The following NTNG1 variants were observed in gnomAD, a reference collection of about 807,000 sequenced individuals.
The protein encoded by NTNG1 is netrin G1.
NTNG1 carries 16 observed loss-of-function variants against 54.0 expected under a neutral mutation model. The ratio of observed to expected loss-of-function variants is 0.30; its 90% CI spans 0.20 to 0.45. NTNG1 has a LOEUF of 0.45. NTNG1 is among the 20% of genes least tolerant of loss of function. The pLI is 1.00. For synonymous variants in NTNG1, 255 were observed against 263.1 expected, an observed-to-expected ratio of 0.97 and a Z score of 0.30; for missense variants, 530 against 678.7, an observed-to-expected ratio of 0.78 and a Z score of 2.43.
chr1:107,392,339 C>T (rs1453284795), intron 3 of NTNG1, among the ~76,000 whole-genome samples: 1 of 151,908 alleles, frequency 6.6e-6, no homozygotes, highest in East Asian at 1.9e-4. Context: ...TGTGAATTTG[C>T]TTTAAAAGGT....
At chr1:107,198,250 A>T (rs1658483627) in intron 2 of NTNG1, among the ~76,000 whole-genome samples, 1 of 151,962 alleles carries the variant, frequency 6.6e-6, no homozygotes, top group African/African-American at 2.4e-5. Flanking sequence ...ATACTTATGG[A>T]TGTGCTCTTG....
chr1:107,227,006 G>A (rs775128854), intron 2 of NTNG1, among the ~76,000 whole-genome samples: 22 of 152,064 alleles, frequency 1.4e-4, no homozygotes, highest in Non-Finnish European at 2.4e-4. Context: ...TCAGTAATGG[G>A]CGAATACCCA....
At chr1:107,427,054 T>G (rs1358850415) in intron 5 of NTNG1, among the ~76,000 whole-genome samples, 1 of 152,142 alleles carries the variant, frequency 6.6e-6, no homozygotes, top group Non-Finnish European at 1.5e-5. Flanking sequence ...TTTGCTTAAG[T>G]CGGCAATCAG....
intron 2 of NTNG1, among the ~76,000 whole-genome samples, chr1:107,313,405 A>C (rs1278898394): frequency 2.6e-5 from 4 of 151,984 alleles, no homozygotes; most frequent in Non-Finnish European, 5.9e-5. Context: ...TTGAGTTTGA[A>C]ATTCTTGTGG....
At chr1:107,234,298 T>A (rs972200205) in intron 2 of NTNG1, among the ~76,000 whole-genome samples, 1 of 152,146 alleles carries the variant, frequency 6.6e-6, no homozygotes, top group Non-Finnish European at 1.5e-5. Flanking sequence ...AATTTTTATA[T>A]TTTTAGTAGA....
At chr1:107,347,991 G>T (rs1301661831) in intron 3 of NTNG1, among the ~76,000 whole-genome samples, 1 of 152,052 alleles carries the variant, frequency 6.6e-6, no homozygotes, top group East Asian at 1.9e-4. Context: ...GGTGAGATTT[G>T]GGTGGGGACA....
intron 7 of NTNG1, among the ~76,000 whole-genome samples, chr1:107,477,182 C>CT (rs1350841030): frequency 1.3e-5 from 2 of 152,204 alleles, no homozygotes; most frequent in Non-Finnish European, 2.9e-5. Flanking sequence ...GCTGCTGCAG[C>CT]TGCCTCTGAA....
chr1:107,189,466 A>T (rs1027338915), intron 2 of NTNG1, among the ~76,000 whole-genome samples: 1 of 151,848 alleles, frequency 6.6e-6, no homozygotes, highest in Non-Finnish European at 1.5e-5. Context: ...GTCTTGAAAA[A>T]AAAAAGGCGG....
At chr1:107,252,159 TC>T (rs1442488368) in intron 2 of NTNG1, among the ~76,000 whole-genome samples, 2 of 152,226 alleles carry the variant, frequency 1.3e-5, no homozygotes, top group African/African-American at 2.4e-5. Context: ...TAATAAGCAT[TC>T]TATACATTTT....
At chr1:107,303,172 A>G (rs572896387) in intron 2 of NTNG1, among the ~76,000 whole-genome samples, 4 of 152,200 alleles carry the variant, frequency 2.6e-5, no homozygotes, top group Non-Finnish European at 5.9e-5. Context: ...ATATCTTCTG[A>G]CTTCCCAGTT....
intron 2 of NTNG1, among the ~76,000 whole-genome samples, chr1:107,219,226 T>G (rs1274614725): frequency 6.6e-6 from 1 of 152,108 alleles, no homozygotes; most frequent in African/African-American, 2.4e-5. Flanking sequence ...TCAGGGCATT[T>G]TGCAATTCTC....
chr1:107,413,451 A>C (rs540972584), intron 5 of NTNG1, among the ~76,000 whole-genome samples: 1 of 152,020 alleles, frequency 6.6e-6, no homozygotes, highest in East Asian at 1.9e-4. Context: ...TGCTTAAAAA[A>C]TTTTTTTCAA....
intron 2 of NTNG1, among the ~76,000 whole-genome samples, chr1:107,243,668 C>G (rs1250975490): frequency 1.3e-5 from 2 of 152,146 alleles, no homozygotes; most frequent in Admixed American, 6.5e-5. Flanking sequence ...GCTGTCCTGC[C>G]TCAGCCTTCC....
At chr1:107,226,345 A>C (rs1660682651) in intron 2 of NTNG1, among the ~76,000 whole-genome samples, 1 of 152,146 alleles carries the variant, frequency 6.6e-6, no homozygotes, top group Admixed American at 6.5e-5. Context: ...AACCATTAAC[A>C]CAGTCAGGAA....
chr1:107,190,932 G>T (rs1487587613), intron 2 of NTNG1, among the ~76,000 whole-genome samples: 11 of 152,236 alleles, frequency 7.2e-5, no homozygotes, highest in Non-Finnish European at 1.5e-4. Context: ...AATCCTTTGG[G>T]TATATACCCA....
At chr1:107,364,907 T>C (rs1033845683) in intron 3 of NTNG1, among the ~76,000 whole-genome samples, 1 of 152,200 alleles carries the variant, frequency 6.6e-6, no homozygotes, top group African/African-American at 2.4e-5. Context: ...CCTCATTCAT[T>C]ATGTAAAAAA....
intron 2 of NTNG1, among the ~76,000 whole-genome samples, chr1:107,234,727 G>A (rs1661294764): frequency 2.0e-5 from 3 of 152,126 alleles, no homozygotes; most frequent in African/African-American, 7.2e-5. Context: ...AAAGTCAACT[G>A]GTCCCCATGG....
intron 5 of NTNG1, among the ~76,000 whole-genome samples, chr1:107,410,925 T>G (rs1168816770): frequency 6.6e-6 from 1 of 152,166 alleles, no homozygotes; most frequent in Admixed American, 6.6e-5. Context: ...GATCATCACT[T>G]CTTACAAAAC....
intron 7 of NTNG1, among the ~76,000 whole-genome samples, chr1:107,462,363 C>G (rs1290357071): frequency 2.0e-5 from 3 of 152,136 alleles, no homozygotes; most frequent in African/African-American, 7.2e-5. Context: ...ACCTGTGTGA[C>G]CTTAGAGAGA....
Sources: gnomAD v4.1 joint callset for allele counts (sites outside exome capture counted in the v4.1 genomes callset) on GRCh38, gnomAD v4.1.1 for gene constraint, MANE v1.5 for transcripts, NCBI Gene and HGNC (gene_info 2026-07-23, HGNC 2026-07-21) for gene names.